The following RIMS2 variants were observed in gnomAD, a reference collection of about 807,000 sequenced individuals.
RIMS2 encodes the protein regulating synaptic membrane exocytosis protein 2.
RIMS2 carries 59 observed loss-of-function variants against 174.4 expected under a neutral mutation model. That is an observed-to-expected ratio of 0.34 (90% CI 0.27 to 0.42). The LOEUF (loss-of-function observed/expected upper bound fraction) is 0.42. RIMS2 is among the 10% of genes least tolerant of loss of function. The pLI is 1.00. For missense variants in RIMS2, 1,620 were observed against 1,666.3 expected (o/e 0.97, Z 0.48); for synonymous variants, 606 against 572.5 (o/e 1.06, Z -0.84).
At chr8:103,978,074 TA>T (rs2093599633) in intron 16 of RIMS2, among the ~76,000 whole-genome samples, 1 of 152,218 alleles carries the variant, frequency 6.6e-6, no homozygotes, top group Non-Finnish European at 1.5e-5. Flanking sequence ...ATCATTAGCA[TA>T]AACTCAAAAG....
chr8:104,122,257 A>T (rs1195291955), intron 19 of RIMS2, among the ~76,000 whole-genome samples: 1 of 152,104 alleles, frequency 6.6e-6, no homozygotes, highest in South Asian at 2.1e-4. Context: ...ATTGAAATTA[A>T]CAGGGATAAA....
At chr8:104,003,697 A>G (rs1474344989) in intron 17 of RIMS2, among the ~76,000 whole-genome samples, 1 of 152,176 alleles carries the variant, frequency 6.6e-6, no homozygotes, top group Non-Finnish European at 1.5e-5. Flanking sequence ...TATAGGTGTG[A>G]GCCACCATTC....
intron 1 of RIMS2, 135 bp from the exon 4 acceptor site, chr8:103,696,951 G>A: frequency 1.7e-6 from 1 of 572,740 alleles, no homozygotes; most frequent in Non-Finnish European, 3.2e-6. Context: ...TTTATCATCA[G>A]AAAATTAAAT....
chr8:104,160,912 A>G (rs1177374822), intron 19 of RIMS2, among the ~76,000 whole-genome samples: 2 of 152,168 alleles, frequency 1.3e-5, no homozygotes, highest in Non-Finnish European at 2.9e-5. Context: ...AGATTCTGTA[A>G]GGGAGTGTGG....
At chr8:103,961,771 T>A (rs938397919) in intron 15 of RIMS2, among the ~76,000 whole-genome samples, 2 of 152,150 alleles carry the variant, frequency 1.3e-5, no homozygotes, top group African/African-American at 4.8e-5. Context: ...TTCATAATTA[T>A]GACTAATTTT....
intron 1 of RIMS2, among the ~76,000 whole-genome samples, chr8:103,567,577 G>T (rs1010223383): frequency 5.3e-5 from 8 of 152,168 alleles, no homozygotes; most frequent in Non-Finnish European, 7.3e-5. Flanking sequence ...TGTCCATCAG[G>T]TGATTTGTTT....
At chr8:103,552,909 C>T (rs1489159267) in intron 1 of RIMS2, among the ~76,000 whole-genome samples, 1 of 152,114 alleles carries the variant, frequency 6.6e-6, no homozygotes, top group Admixed American at 6.5e-5. Flanking sequence ...CCATCTCACA[C>T]CAGTTAGAAT....
intron 19 of RIMS2, among the ~76,000 whole-genome samples, chr8:104,238,798 T>A (rs143644522): frequency 2.0e-3 from 299 of 152,338 alleles, no homozygotes; most frequent in African/African-American, 6.5e-3. Flanking sequence ...TTTTTTAATA[T>A]GCTTTAAATG....
intron 1 of RIMS2, among the ~76,000 whole-genome samples, chr8:103,510,072 C>T (rs1009784566): frequency 2.6e-5 from 4 of 152,112 alleles, no homozygotes; most frequent in African/African-American, 4.8e-5. Context: ...TGCCCTTTAG[C>T]ATTTTTTTCT....
At chr8:103,999,710 G>A (rs1056131830) in intron 17 of RIMS2, among the ~76,000 whole-genome samples, 5 of 151,596 alleles carry the variant, frequency 3.3e-5, no homozygotes, top group Non-Finnish European at 7.4e-5. Context: ...TTTTTCAATA[G>A]TTTGTATTTT....
At chr8:103,995,671 A>G (rs762762424) in intron 17 of RIMS2, among the ~76,000 whole-genome samples, 1 of 152,034 alleles carries the variant, frequency 6.6e-6, no homozygotes, top group South Asian at 2.1e-4. Flanking sequence ...TTGTTTTTTG[A>G]TATCAGGAAC....
intron 1 of RIMS2, among the ~76,000 whole-genome samples, chr8:103,609,768 C>T (rs936654186): frequency 6.6e-6 from 1 of 152,138 alleles, no homozygotes; most frequent in African/African-American, 2.4e-5. Context: ...TAATGTGTTG[C>T]TTTCAGTTTT....
chr8:103,508,032 C>A (rs999954167), intron 1 of RIMS2, among the ~76,000 whole-genome samples: 1 of 151,988 alleles, frequency 6.6e-6, no homozygotes, highest in African/African-American at 2.4e-5. Flanking sequence ...TAGTTTATTG[C>A]CTCTATGGTA....
intron 3 of RIMS2, among the ~76,000 whole-genome samples, chr8:103,868,601 A>T (rs925795329): frequency 3.9e-5 from 6 of 152,164 alleles, no homozygotes; most frequent in Non-Finnish European, 7.4e-5. Flanking sequence ...CATACTTTTT[A>T]AAACAAGTTT....
rs190222689 is a variant in RIMS2, at chr8:103,734,099, G to A, written c.388-32128G>A. ...GTGATCTTTGCTCACTGCAACCTCC[G>A]CCTCCTGGGTTCAATCAATTCTCCT... On this transcript the variant is annotated intron_variant, in intron 2 of 23. Coordinates refer to ENST00000504942, the Ensembl canonical transcript of RIMS2. Among the ~76,000 whole-genome samples, 214 of 131,366 alleles carry A rather than the reference G, an allele frequency of 1.6e-3. 2 individuals carry two copies. Among genetic ancestry groups the A allele is most frequent in the East Asian group, 1.9e-3 (7 of 3,778 alleles). The allele number at this position is 131,366 out of a possible 152,430, so 86.2% of individuals were successfully genotyped here.
chr8:103,568,468 C>T (rs2092554531), intron 1 of RIMS2: 1 of 243,180 alleles, frequency 4.1e-6, no homozygotes, highest in East Asian at 1.0e-4. Context: ...GTTGGTAAGG[C>T]TTACCATCTA....
chr8:103,791,590 T>C (rs1226543503), intron 3 of RIMS2, among the ~76,000 whole-genome samples: 2 of 152,144 alleles, frequency 1.3e-5, no homozygotes, highest in Non-Finnish European at 2.9e-5. Context: ...TAAATATAAA[T>C]GGGCTAAATG....
At chr8:103,584,923 A>G (rs1345653943) in intron 1 of RIMS2, among the ~76,000 whole-genome samples, 3 of 18,356 alleles carry the variant, frequency 1.6e-4, no homozygotes, top group East Asian at 0.2. Context: ...AAACTTTCCA[A>G]TCAAAGATAT....
rs1272975359 is a variant in RIMS2, at chr8:103,912,970, G to GTTTTTT, written c.1812+813_1812+818dup. The stretch of plus-strand genomic sequence containing the variant: ...CTGTCTCTAGCAAACTTTTTTTGTT[G>GTTTTTT]TTTTTTTTTTTTTTTTTTTTGAGAT... On this transcript the variant is annotated intron_variant, in intron 6 of 23. Coordinates refer to ENST00000504942, the Ensembl canonical transcript of RIMS2. Among the ~76,000 whole-genome samples, 68 of 114,858 alleles carry GTTTTTT rather than the reference G, an allele frequency of 5.9e-4. 3 individuals carry two copies. The highest frequency in any genetic ancestry group is 6.4e-4 in the Non-Finnish European group (36 of 56,520). The allele number at this position is 114,858 out of a possible 152,430, so 75.4% of individuals were successfully genotyped here.
Sources: gnomAD v4.1 joint callset for allele counts (sites outside exome capture counted in the v4.1 genomes callset) on GRCh38, gnomAD v4.1.1 for gene constraint, MANE v1.5 for transcripts, NCBI Gene and HGNC (gene_info 2026-07-23, HGNC 2026-07-21) for gene names.